The following NEB variants were observed in gnomAD, a reference collection of about 807,000 sequenced individuals.
NEB encodes the protein nebulin.
NEB carries 512 observed loss-of-function variants against 952.2 expected under a neutral mutation model. The ratio of observed to expected loss-of-function variants is 0.54; its 90% CI spans 0.50 to 0.58. The LOEUF is 0.58. NEB is among the 20% of genes least tolerant of loss of function. The pLI is 0.00. For missense variants in NEB, 8,428 were observed against 9,231.1 expected (o/e 0.91, Z 3.56); for synonymous variants, 2,900 against 3,149.8 (o/e 0.92, Z 2.66).
chr2:151,526,863 C>A (rs1020804102), intron 148 of NEB, 55 bp downstream of exon 148: 18 of 1,246,732 alleles, frequency 1.4e-5, no homozygotes, highest in Non-Finnish European at 1.8e-5. Context: ...GGGACTGTAC[C>A]ATGGAAGATG....
chr2:151,514,942 G>A lies in NEB; in HGVS notation c.22906-14C>T. The A allele has an allele frequency of 6.7e-7, 1 of 1,484,918 alleles. No homozygotes were observed. Among genetic ancestry groups the A allele is most frequent in the Non-Finnish European group, 9.2e-7 (1 of 1,087,996 alleles). The allele number at this position is 1,484,918 out of a possible 1,614,324, so 92.0% of individuals were successfully genotyped here. On this transcript the variant is annotated splice_polypyrimidine_tract_variant and intron_variant, in intron 157 of 181. Transcript: ENST00000397345. ...CCTATATTCTTTCTAATGTAAGTAG[G>A]AAGGAAAGACAAGTTAAAAAAAAAT... is the stretch of plus-strand genomic sequence containing the variant.
At chr2:151,705,717 T>C (rs1277615690) in intron 13 of NEB, among the ~76,000 whole-genome samples, 2 of 152,166 alleles carry the variant, frequency 1.3e-5, no homozygotes, top group Non-Finnish European at 2.9e-5. Context: ...GTGGTATATA[T>C]ACAGCATGGA....
Position 151,531,943 on chromosome 2 carries a change from G to A in NEB, c.21418-47C>T, listed in dbSNP as rs113057763. ...AGAGCTCTAAGAAGTTGTAGAGTGG[G>A]CTTTAAGGTATCTAATTGTCCTCTT... On this transcript the variant is annotated intron_variant, in intron 143 of 181. Coordinates refer to ENST00000397345, the MANE Select transcript of NEB (RefSeq NM_001164508.2). The A allele has an allele frequency of 1.4e-3, 1,665 of 1,229,602 alleles. 15 individuals carry two copies. In the African/African-American group the frequency reaches 0.02, roughly 14 times the overall value. 76.2% of individuals were successfully genotyped at this position (1,229,602 alleles called of 1,614,324 possible). A position where few individuals can be genotyped will look rare whatever the true frequency, so the allele number is the denominator to read the frequency against.
chr2:151,673,998 T>A (rs1353237069), intron 36 of NEB, among the ~76,000 whole-genome samples: 1 of 152,190 alleles, frequency 6.6e-6, no homozygotes, highest in Non-Finnish European at 1.5e-5. Flanking sequence ...TAGAAGTGTA[T>A]ACTTTTTCTG....
At position 151,562,783 on chromosome 2, in the gene NEB, T is replaced by C; in HGVS notation, c.18719A>G (p.Asp6240Gly). ...SALNYRKHYE[D>G]TKANVHIPND... The stretch of plus-strand genomic sequence containing the variant: ...GGGGATATGAACATTTGCTTTGGTA[T>C]CCTCATAATGTTTTCTGTAGTTCAA... Residue 6240 changes from aspartate (D) to glycine (G), a missense_variant, in exon 120 of 182, where the codon GAT becomes GGT. Around this residue, in one of 11 missense-constraint regions of NEB, gnomAD observed 3,374 missense variants for 3,651.5 expected, o/e 0.92. Coordinates refer to ENST00000397345, the MANE Select transcript of NEB (RefSeq NM_001164508.2). The C allele has an allele frequency of 6.3e-7, 1 of 1,581,046 alleles. No homozygotes were observed. The highest frequency in any genetic ancestry group is 8.6e-7 in the Non-Finnish European group (1 of 1,161,640).
At chr2:151,659,726 T>C (rs2099125623) in intron 46 of NEB, among the ~76,000 whole-genome samples, 2 of 152,220 alleles carry the variant, frequency 1.3e-5, no homozygotes, top group Non-Finnish European at 2.9e-5. Flanking sequence ...CCTAAAATTT[T>C]CTGTGTAAAT....
At chr2:151,708,835 G>C (rs1172883470) in intron 12 of NEB, among the ~76,000 whole-genome samples, 1 of 152,156 alleles carries the variant, frequency 6.6e-6, no homozygotes, top group Admixed American at 6.5e-5. Context: ...TCATCTAACT[G>C]CTTAGACCAA....
rs776691267 is a variant in NEB, at chr2:151,697,657, G to GA, written c.1153-10dup. The GA allele has an allele frequency of 6.3e-6, 10 of 1,580,608 alleles. No individual in the cohort carries two copies. The highest frequency in any genetic ancestry group is 3.8e-5 in the Admixed American group (2 of 53,020). ...TTTTCCTTGTATAGTTTCTGTCAAA[G>GA]AAAAAAAATTCAGTTAAAGTAGATT... is the stretch of plus-strand genomic sequence containing the variant. On this transcript the variant is annotated splice_polypyrimidine_tract_variant and intron_variant, in intron 13 of 181. Coordinates refer to ENST00000397345, the MANE Select transcript of NEB (RefSeq NM_001164508.2).
intron 138 of NEB, among the ~76,000 whole-genome samples, chr2:151,539,945 A>T (rs887135885): frequency 6.6e-6 from 1 of 152,186 alleles, no homozygotes; most frequent in African/African-American, 2.4e-5. Context: ...ACATATATGA[A>T]AAGAGACTCG....
chr2:151,627,712 A>G lies in NEB; in HGVS notation c.9954T>C (p.Tyr3318=), dbSNP rs763541152. ...HVAKIQSDRE[Y]KKDFEKWKTK... ...TCTTCCACTTCTCAAAGTCCTTCTT[A>G]TACTCCCTGTCACTCTGGATCTTGG... The change falls in exon 69 of 182, where the codon TAT becomes TAC. Residue 3318 remains tyrosine (Y), a synonymous_variant. Transcript: ENST00000397345. The G allele has an allele frequency of 3.1e-6, 5 of 1,613,742 alleles. No individual in the cohort carries two copies. The highest frequency in any genetic ancestry group is 2.2e-5 in the South Asian group (2 of 91,086).
intron 48 of NEB, among the ~76,000 whole-genome samples, chr2:151,657,765 G>A (rs2099102146): frequency 6.6e-6 from 1 of 152,182 alleles, no homozygotes; most frequent in African/African-American, 2.4e-5. Context: ...TAGATCTCAT[G>A]AGTCAGGGAG....
chr2:151,558,799 T>G (rs1260969734), intron 124 of NEB, among the ~76,000 whole-genome samples: 1 of 151,996 alleles, frequency 6.6e-6, no homozygotes, highest in Non-Finnish European at 1.5e-5. Flanking sequence ...AAAAATTAAC[T>G]CAAGATGGAC....
chr2:151,485,662 A>G lies in NEB; in HGVS notation c.*98T>C. ...AATCACATTGACACAGAAAAACCAT[A>G]GGCAGCTTGAGAACTTAGGTAACAG... On this transcript the variant is annotated 3_prime_UTR_variant, in exon 182 of 182. Transcript: ENST00000397345. 1 of 1,186,358 alleles carries G rather than the reference A, an allele frequency of 8.4e-7. No individual in the cohort carries two copies. The highest frequency in any genetic ancestry group is 1.2e-6 in the Non-Finnish European group (1 of 856,086). The allele number at this position is 1,186,358 out of a possible 1,614,324, so 73.5% of individuals were successfully genotyped here.
chr2:151,545,826 G>T, intron 135 of NEB, 62 bp downstream of exon 135: 2 of 984,476 alleles, frequency 2.0e-6, no homozygotes, highest in Non-Finnish European at 1.6e-6. Flanking sequence ...AGAGCCTTGT[G>T]GAGTAATTCA....
rs768708852 is a variant in NEB at position 151,627,574 on chromosome 2, G to A, written c.10092C>T (p.Pro3364=). ...GAGCATGGATGACATCATTCTGGTC[G>A]GGCAGGCACGTCCACTCGTGCAGGT... ...KNYLHEWTCL[P]DQNDVIHARQ... Residue 3364 remains proline (P), a synonymous_variant, in exon 69 of 182, where the codon CCC becomes CCT. Transcript: ENST00000397345. 37 of 1,613,844 alleles carry A rather than the reference G, an allele frequency of 2.3e-5. No homozygotes were observed. Among genetic ancestry groups the A allele is most frequent in the African/African-American group, 5.3e-5 (4 of 74,914 alleles).
intron 156 of NEB, 114 bp downstream of exon 156, chr2:151,518,204 C>A: frequency 1.3e-6 from 1 of 784,730 alleles, no homozygotes; most frequent in Non-Finnish European, 2.3e-6. Context: ...GATTCAAAAC[C>A]CCTTATATCT....
chr2:151,725,553 T>C lies in NEB; in HGVS notation c.302A>G (p.Tyr101Cys). 1 of 1,612,962 alleles carries C rather than the reference T, an allele frequency of 6.2e-7. No homozygotes were observed. ...KMQDLFSPNK[Y>C]KEKFEKTKGQ... is the part of the protein sequence containing the mutation. ...TTTTGTTTTCTCAAACTTCTCCTTGTATTTATTCTGAAAAGAATATCAGAT... is the reference window on the plus strand; with the variant it reads ...TTTTGTTTTCTCAAACTTCTCCTTGCATTTATTCTGAAAAGAATATCAGAT... Residue 101 changes from tyrosine to cysteine, a missense_variant, in exon 6 of 182, where the codon TAC (tyrosine) becomes TGC (cysteine). Tyr to Cys is a radical substitution (Grantham distance 194). Around this residue, in one of 11 missense-constraint regions of NEB, gnomAD observed 2,851 missense variants for 2,791.5 expected, o/e 1.02. Transcript: ENST00000397345.
intron 63 of NEB, among the ~76,000 whole-genome samples, chr2:151,638,395 G>T (rs145828929): frequency 6.6e-6 from 1 of 152,298 alleles, no homozygotes; most frequent in East Asian, 1.9e-4. Flanking sequence ...GGAATGCCCC[G>T]CAGCTTGGGA....
At chr2:151,687,198 T>C (rs2099509586) in intron 27 of NEB, among the ~76,000 whole-genome samples, 1 of 152,230 alleles carries the variant, frequency 6.6e-6, no homozygotes, top group Non-Finnish European at 1.5e-5. Context: ...CATACATTTT[T>C]CAAAGTGAAA....
Sources: allele counts gnomAD v4.1 joint callset (sites outside exome capture counted in the v4.1 genomes callset), GRCh38; gene constraint gnomAD v4.1.1; regional missense constraint gnomAD v4.1.1; transcripts MANE v1.5; gene names NCBI Gene and HGNC (gene_info 2026-07-23, HGNC 2026-07-21).